The following RCOR1 variants were observed in gnomAD, a reference collection of about 807,000 sequenced individuals.
RCOR1 encodes the protein REST corepressor.
In RCOR1, 12 loss-of-function variants were observed where a neutral mutation model predicts 64.0. That is an observed-to-expected ratio of 0.19 (90% CI 0.12 to 0.30). The LOEUF is 0.30. Among genes scored for constraint, RCOR1 ranks in the 10% least tolerant of loss-of-function variants. The pLI is 1.00. For synonymous variants in RCOR1, 279 were observed against 227.2 expected (o/e 1.23, Z -2.05); for missense variants, 502 against 621.2 (o/e 0.81, Z 2.04).
intron 2 of RCOR1, among the ~76,000 whole-genome samples, chr14:102,644,307 G>C (rs1894435294): frequency 6.6e-6 from 1 of 152,184 alleles, no homozygotes; most frequent in Non-Finnish European, 1.5e-5. Context: ...AGTCACATAG[G>C]CTCCTTTCCG....
At position 102,726,856 on chromosome 14, in the gene RCOR1, T is replaced by A. The variant is rs753173591; in HGVS notation, c.*350T>A. On this transcript the variant is annotated 3_prime_UTR_variant, in exon 12 of 12. Transcript: ENST00000262241. The stretch of plus-strand genomic sequence containing the variant: ...GTCAGCAGCTTCAGAGCAGGCAGTC[T>A]CCTTGGAAGGCCCGACTCTGTTCCT... 1 of 292,188 alleles carries A rather than the reference T, an allele frequency of 3.4e-6. No individual in the cohort carries two copies. The highest frequency in any genetic ancestry group is 6.3e-6 in the Non-Finnish European group (1 of 158,622). 18.1% of individuals were successfully genotyped at this position (292,188 alleles called of 1,614,324 possible). A position where few individuals can be genotyped will look rare whatever the true frequency, so the allele number is the denominator to read the frequency against.
chr14:102,702,130 TG>T (rs1256570271), intron 4 of RCOR1, among the ~76,000 whole-genome samples: 1 of 152,234 alleles, frequency 6.6e-6, no homozygotes, highest in Non-Finnish European at 1.5e-5. Context: ...TCTTACAACC[TG>T]GAAGTTACTG....
At chr14:102,662,439 C>T (rs1209665315) in intron 2 of RCOR1, 4 of 553,760 alleles carry the variant, frequency 7.2e-6, no homozygotes, top group Non-Finnish European at 1.4e-5. Flanking sequence ...TTGTTGTCCT[C>T]GCTCTTCTTC....
chr14:102,695,299 T>A (rs1292924817), intron 3 of RCOR1: 1 of 152,222 alleles, frequency 6.6e-6, no homozygotes, highest in Non-Finnish European at 1.5e-5. Context: ...GTATGTTGAT[T>A]AGCCTTGGTT....
At chr14:102,679,007 TTATG>T (rs1895248858) in intron 2 of RCOR1, among the ~76,000 whole-genome samples, 1 of 152,230 alleles carries the variant, frequency 6.6e-6, no homozygotes, top group South Asian at 2.1e-4. Flanking sequence ...TGAAAGTTCT[TTATG>T]TATTCTGGAT....
chr14:102,647,686 T>G (rs1297481767), intron 2 of RCOR1, among the ~76,000 whole-genome samples: 2 of 152,188 alleles, frequency 1.3e-5, no homozygotes, highest in Non-Finnish European at 2.9e-5. Context: ...TTATTTATTT[T>G]ATTTATTTTT....
At chr14:102,723,255 C>G (rs557042179) in intron 11 of RCOR1, among the ~76,000 whole-genome samples, 20 of 152,286 alleles carry the variant, frequency 1.3e-4, no homozygotes, top group African/African-American at 4.3e-4. Context: ...TTGAGATTAC[C>G]TATTTTGTAT....
chr14:102,694,864 T>G (rs8014003), intron 3 of RCOR1, among the ~76,000 whole-genome samples: 3,274 of 152,348 alleles, frequency 0.021, 50 homozygotes, highest in South Asian at 0.052. Context: ...AAGAGAATTT[T>G]TGCATGTTCA....
intron 8 of RCOR1, among the ~76,000 whole-genome samples, chr14:102,719,201 G>A (rs1896127049): frequency 6.6e-6 from 1 of 152,032 alleles, no homozygotes; most frequent in Non-Finnish European, 1.5e-5. Flanking sequence ...TCCCACCTCA[G>A]CCTCGCAAGT....
chr14:102,605,355 G>GT (rs1406185300), intron 2 of RCOR1, among the ~76,000 whole-genome samples: 12 of 151,978 alleles, frequency 7.9e-5, no homozygotes, highest in African/African-American at 9.7e-5. Flanking sequence ...TATAGTTGGA[G>GT]TTTTTTTTAG....
chr14:102,716,137 T>A (rs1489490105), intron 8 of RCOR1, among the ~76,000 whole-genome samples: 1 of 152,258 alleles, frequency 6.6e-6, no homozygotes, highest in Non-Finnish European at 1.5e-5. Context: ...GGCAGTTCCC[T>A]GATGACTAAT....
chr14:102,597,256 CT>C (rs1029776985), intron 2 of RCOR1, among the ~76,000 whole-genome samples: 25 of 151,930 alleles, frequency 1.6e-4, no homozygotes, highest in Admixed American at 5.9e-4. Context: ...TAACAGGCAG[CT>C]TTTTTTCTTT....
intron 3 of RCOR1, among the ~76,000 whole-genome samples, chr14:102,694,434 T>C (rs1895603451): frequency 6.6e-6 from 1 of 152,028 alleles, no homozygotes; most frequent in African/African-American, 2.4e-5. Flanking sequence ...TTTTTTTGTT[T>C]TTGTTTTTGT....
intron 7 of RCOR1, among the ~76,000 whole-genome samples, chr14:102,712,807 T>A (rs936848134): frequency 1.3e-5 from 2 of 152,056 alleles, no homozygotes; most frequent in African/African-American, 2.4e-5. Flanking sequence ...GTAGTTTTTA[T>A]TAAGCTTTGT....
chr14:102,671,035 A>G (rs1895023802), intron 2 of RCOR1, among the ~76,000 whole-genome samples: 1 of 152,106 alleles, frequency 6.6e-6, no homozygotes, highest in Non-Finnish European at 1.5e-5. Context: ...TGGCCTCCCA[A>G]AGTGCTGGGA....
Position 102,650,942 on chromosome 14 carries a change from C to G in RCOR1, c.362-30953C>G, listed in dbSNP as rs112405201. The G allele has an allele frequency of 5.8e-3, 4,379 of 752,640 alleles. 137 individuals are homozygous for G. The African/African-American group carries it at 0.072, about 12-fold the overall frequency. The allele number at this position is 752,640 out of a possible 1,614,324, so 46.6% of individuals were successfully genotyped here. On this transcript the variant is annotated intron_variant, in intron 2 of 11. Transcript: ENST00000262241. ...ATTGAATAACTTAATTATCTTATTACTAATAATTCCTGTATTAGACAATGA... is the reference window on the plus strand; with the variant it reads ...ATTGAATAACTTAATTATCTTATTAGTAATAATTCCTGTATTAGACAATGA...
chr14:102,605,862 T>A (rs1291791765), intron 2 of RCOR1, among the ~76,000 whole-genome samples: 1 of 151,920 alleles, frequency 6.6e-6, no homozygotes, highest in African/African-American at 2.4e-5. Flanking sequence ...AGGTATGGAG[T>A]TGGAAGATGG....
At chr14:102,603,126 C>T (rs1178480487) in intron 2 of RCOR1, among the ~76,000 whole-genome samples, 1 of 151,780 alleles carries the variant, frequency 6.6e-6, no homozygotes, top group African/African-American at 2.4e-5. Flanking sequence ...GTCGCCCAGG[C>T]TGGAGTGCAG....
intron 2 of RCOR1, among the ~76,000 whole-genome samples, chr14:102,605,955 T>C (rs1357503268): frequency 1.3e-5 from 2 of 152,178 alleles, no homozygotes; most frequent in African/African-American, 2.4e-5. Flanking sequence ...AAATGGAGTC[T>C]CGCTCTGTTG....
Sources: allele counts gnomAD v4.1 joint callset (sites outside exome capture counted in the v4.1 genomes callset), GRCh38; gene constraint gnomAD v4.1.1; transcripts MANE v1.5; gene names NCBI Gene and HGNC (gene_info 2026-07-23, HGNC 2026-07-21).